ATXN2: variants seen among roughly 807,000 people sequenced by gnomAD.
ATXN2 encodes the protein ataxin-2.
Under a neutral mutation model 138.6 loss-of-function variants are expected in ATXN2, and 37 were observed. The observed-to-expected ratio is 0.27, with a 90% CI of 0.21 to 0.35. The LOEUF (loss-of-function observed/expected upper bound fraction) is 0.35, where lower values mean the gene tolerates loss of function less well. Among genes scored for constraint, ATXN2 ranks in the 10% least tolerant of loss-of-function variants. The pLI, the probability that ATXN2 is intolerant of heterozygous loss-of-function variation, is 1.00. For synonymous variants in ATXN2, 549 were observed against 543.7 expected, an observed-to-expected ratio of 1.01 and a Z score of -0.13; for missense variants, 1,216 against 1,480.3, an observed-to-expected ratio of 0.82 and a Z score of 2.93.
Position 111,453,884 on chromosome 12 carries a change from TC to T in ATXN2, c.3271-40del. On this transcript the variant is annotated intron_variant, in intron 23 of 24. Coordinates refer to ENST00000673436, the MANE Select transcript of ATXN2 (RefSeq NM_001372574.1). The surrounding 1 kb of genome is among the most constrained non-coding windows in gnomAD (Gnocchi z 5.4). ...CTCTTTTACGCATACAGGCAACATCTCCGGCTTCAACAACATGTCAACTGTG... is the reference window on the plus strand; with the variant it reads ...CTCTTTTACGCATACAGGCAACATCTCGGCTTCAACAACATGTCAACTGTG... 1.3e-6 allele frequency: 2 copies of T among 1,564,038 alleles called. No individual in the cohort carries two copies. Among genetic ancestry groups the T allele is most frequent in the African/African-American group, 2.7e-5 (2 of 73,816 alleles).
chr12:111,522,898 A>G (rs1240553905), intron 6 of ATXN2, among the ~76,000 whole-genome samples: 1 of 152,016 alleles, frequency 6.6e-6, no homozygotes, highest in African/African-American at 2.4e-5. Flanking sequence ...TGGACAACAG[A>G]GCAAGACTCC....
intron 14 of ATXN2, among the ~76,000 whole-genome samples, chr12:111,507,434 C>A (rs374058811): frequency 1.3e-5 from 2 of 151,666 alleles, no homozygotes; most frequent in African/African-American, 4.9e-5. Context: ...CTGGCAGCCA[C>A]CCCGTCTGGG....
rs367549956 is a variant in ATXN2, at chr12:111,509,856, C to G, written c.1864+35G>C. On this transcript the variant is annotated intron_variant, in intron 13 of 24. Coordinates refer to ENST00000673436, the MANE Select transcript of ATXN2 (RefSeq NM_001372574.1). ...AAATTAGACATACTTCTTCCTATTCCTACAGTTAAGCTTAATGACTCTTTA... is the reference window on the plus strand; with the variant it reads ...AAATTAGACATACTTCTTCCTATTCGTACAGTTAAGCTTAATGACTCTTTA... 5 of 1,465,660 alleles carry G rather than the reference C, an allele frequency of 3.4e-6. No homozygotes were observed. In the African/African-American group the frequency reaches 4.2e-5, roughly 12 times the overall value. 90.8% of individuals were successfully genotyped at this position (1,465,660 alleles called of 1,614,324 possible). A position where few individuals can be genotyped will look rare whatever the true frequency, so the allele number is the denominator to read the frequency against.
intron 5 of ATXN2, among the ~76,000 whole-genome samples, chr12:111,536,026 A>G (rs377613465): frequency 5.9e-5 from 9 of 151,526 alleles, no homozygotes; most frequent in Admixed American, 5.9e-4. Flanking sequence ...ACATTGGGAA[A>G]TAATGAGAGA....
intron 1 of ATXN2, among the ~76,000 whole-genome samples, chr12:111,562,064 G>A (rs1207858709): frequency 6.6e-6 from 1 of 151,574 alleles, no homozygotes; most frequent in Non-Finnish European, 1.5e-5. Flanking sequence ...ACCCACCTCG[G>A]CCTTCCAAAG....
At chr12:111,586,416 C>A (rs1215491354) in intron 1 of ATXN2, among the ~76,000 whole-genome samples, 1 of 117,088 alleles carries the variant, frequency 8.5e-6, no homozygotes, top group Non-Finnish European at 1.7e-5. Context: ...TTTTTTTAGA[C>A]GGAGTCTCCC....
At chr12:111,477,238 C>A (rs1876887752) in intron 18 of ATXN2, among the ~76,000 whole-genome samples, 1 of 150,774 alleles carries the variant, frequency 6.6e-6, no homozygotes, top group Non-Finnish European at 1.5e-5. Flanking sequence ...CACCTGTAAT[C>A]CTAGCTACTC....
At chr12:111,491,924 T>C (rs1878061387) in intron 14 of ATXN2, among the ~76,000 whole-genome samples, 2 of 152,106 alleles carry the variant, frequency 1.3e-5, no homozygotes, top group Admixed American at 6.6e-5. Flanking sequence ...TCCCAGGCCC[T>C]GGCTCCTGGG....
intron 5 of ATXN2, among the ~76,000 whole-genome samples, chr12:111,547,159 T>C (rs1881839731): frequency 6.6e-6 from 1 of 152,258 alleles, no homozygotes; most frequent in African/African-American, 2.4e-5. Flanking sequence ...CCGAGTGTGG[T>C]GGCTCACGCC....
chr12:111,508,768 C>T (rs1879336855), intron 14 of ATXN2, among the ~76,000 whole-genome samples: 1 of 152,068 alleles, frequency 6.6e-6, no homozygotes, highest in Non-Finnish European at 1.5e-5. Flanking sequence ...CTTAGGTTAA[C>T]AACTGTTAAT....
At chr12:111,479,578 T>G (rs908413898) in intron 18 of ATXN2, among the ~76,000 whole-genome samples, 17 of 151,994 alleles carry the variant, frequency 1.1e-4, no homozygotes, top group Non-Finnish European at 1.8e-4. Flanking sequence ...GATACTAACA[T>G]GAAATTCAAA....
At chr12:111,591,045 G>A (rs1041617460) in intron 1 of ATXN2, among the ~76,000 whole-genome samples, 33 of 151,818 alleles carry the variant, frequency 2.2e-4, no homozygotes, top group African/African-American at 7.5e-4. Flanking sequence ...GCCCTCCACC[G>A]CGCCCAGCTA....
upstream of ATXN2, chr12:111,599,471 G>A (rs1592947170): frequency 3.3e-6 from 4 of 1,214,108 alleles, no homozygotes; most frequent in Admixed American, 4.4e-5. Flanking sequence ...GCGAGACTCG[G>A]TGGCCACCGC....
chr12:111,508,441 C>CTTTTTTTTTTTTT, intron 14 of ATXN2, among the ~76,000 whole-genome samples: 1 of 85,648 alleles, frequency 1.2e-5, no homozygotes, highest in Non-Finnish European at 2.1e-5. Flanking sequence ...AATTGAAAAA[C>CTTTTTTTTTTTTT]TTTTTTTTTT....
At chr12:111,508,288 CA>C (rs151125827) in intron 14 of ATXN2, among the ~76,000 whole-genome samples, 15,349 of 151,464 alleles carry the variant, frequency 0.1, 2,594 homozygotes, top group African/African-American at 0.35. Flanking sequence ...TGGAAGGAAA[CA>C]GGGGGAAGCA....
At chr12:111,549,642 G>A (rs1191119039) in intron 5 of ATXN2, among the ~76,000 whole-genome samples, 3 of 152,174 alleles carry the variant, frequency 2.0e-5, no homozygotes, top group Non-Finnish European at 4.4e-5. Context: ...TTATAGAAGA[G>A]GGCAATTTCT....
chr12:111,492,406 G>A (rs967166935), intron 14 of ATXN2, among the ~76,000 whole-genome samples: 5 of 152,178 alleles, frequency 3.3e-5, no homozygotes, highest in African/African-American at 4.8e-5. Flanking sequence ...AATGGGAGCC[G>A]GATGCAGTGG....
intron 18 of ATXN2, among the ~76,000 whole-genome samples, chr12:111,476,269 TAG>T (rs753148931): frequency 6.6e-6 from 1 of 152,140 alleles, no homozygotes; most frequent in Non-Finnish European, 1.5e-5. Context: ...ATATACTTAG[TAG>T]ATGATAAGTA....
chr12:111,476,850 A>T (rs1876849393), intron 18 of ATXN2, among the ~76,000 whole-genome samples: 1 of 152,222 alleles, frequency 6.6e-6, no homozygotes. Flanking sequence ...AGCTGATTCT[A>T]AAATTTATTT....
Sources: gnomAD v4.1 joint callset for allele counts (sites outside exome capture counted in the v4.1 genomes callset) on GRCh38, gnomAD v4.1.1 for gene constraint, Gnocchi (gnomAD v3.1) non-coding constraint, MANE v1.5 for transcripts, NCBI Gene and HGNC (gene_info 2026-07-23, HGNC 2026-07-21) for gene names.